DOCK1: variants seen among roughly 807,000 people sequenced by gnomAD.
DOCK1 encodes the protein dedicator of cytokinesis protein 1.
Under a neutral mutation model 262.7 loss-of-function variants are expected in DOCK1, and 138 were observed. The observed-to-expected ratio is 0.53, with a 90% CI of 0.46 to 0.61. DOCK1 has a LOEUF of 0.61. Among genes scored for constraint, DOCK1 ranks in the 20% least tolerant of loss-of-function variants. DOCK1 has a pLI of 0.00. For missense variants in DOCK1, 1,908 were observed against 2,370.7 expected, an observed-to-expected ratio of 0.80 and a Z score of 4.05; for synonymous variants, 866 against 867.4, an observed-to-expected ratio of 1.00 and a Z score of 0.03.
intron 23 of DOCK1, among the ~76,000 whole-genome samples, chr10:127,080,576 G>T (rs2046843688): frequency 6.6e-6 from 1 of 152,030 alleles, no homozygotes; most frequent in South Asian, 2.1e-4. Context: ...TGTGGTTGTG[G>T]TCCTTTGGGT....
chr10:127,427,963 C>T (rs1413472846), intron 47 of DOCK1, among the ~76,000 whole-genome samples: 2 of 152,198 alleles, frequency 1.3e-5, no homozygotes, highest in Non-Finnish European at 2.9e-5. Context: ...GCCAGCCCAG[C>T]GGGAGCTGCT....
chr10:127,438,213 A>T (rs898534325), intron 48 of DOCK1, among the ~76,000 whole-genome samples: 3 of 152,230 alleles, frequency 2.0e-5, no homozygotes, highest in Non-Finnish European at 2.9e-5. Context: ...CAGGATGGAC[A>T]TGCCAATCTT....
intron 27 of DOCK1, among the ~76,000 whole-genome samples, chr10:127,182,559 A>G (rs1398675729): frequency 3.3e-5 from 5 of 152,204 alleles, no homozygotes; most frequent in African/African-American, 1.2e-4. Context: ...TGCTACATTC[A>G]TAGAGATGAA....
At chr10:127,130,065 C>CTTTTTTTTTTTTTTTTTT (rs74721427) in intron 27 of DOCK1, among the ~76,000 whole-genome samples, 2 of 117,546 alleles carry the variant, frequency 1.7e-5, no homozygotes, top group African/African-American at 3.9e-5. Flanking sequence ...TTAGGGTCTT[C>CTTTTTTTTTTTTTTTTTT]TTTTTTTTTT....
chr10:127,077,305 G>A (rs1414777844), intron 23 of DOCK1, among the ~76,000 whole-genome samples: 1 of 152,068 alleles, frequency 6.6e-6, no homozygotes, highest in African/African-American at 2.4e-5. Context: ...CGAGGTGGGA[G>A]AATCACTTGA....
intron 50 of DOCK1, among the ~76,000 whole-genome samples, chr10:127,444,938 G>A (rs559517291): frequency 2.0e-4 from 30 of 151,748 alleles, no homozygotes; most frequent in Non-Finnish European, 4.1e-4. Context: ...CTGTCTCCAC[G>A]TGGCCTCCTT....
chr10:126,973,034 A>G (rs1248389171), intron 2 of DOCK1, among the ~76,000 whole-genome samples: 1 of 151,782 alleles, frequency 6.6e-6, no homozygotes, highest in Non-Finnish European at 1.5e-5. Flanking sequence ...CTCATCTCAG[A>G]CACTTTTCTG....
chr10:126,918,979 C>CAAGGTGCAGATGGGCA (rs1564982392), intron 1 of DOCK1, among the ~76,000 whole-genome samples: 150 of 107,164 alleles, frequency 1.4e-3, no homozygotes, highest in African/African-American at 4.5e-3. Context: ...GAGGAGAAAG[C>CAAGGTGCAGATGGGCA]CGAGAGGGAG....
chr10:127,099,069 T>C (rs1219364029), intron 23 of DOCK1, among the ~76,000 whole-genome samples: 1 of 152,114 alleles, frequency 6.6e-6, no homozygotes, highest in East Asian at 1.9e-4. Flanking sequence ...GGAATCTGAG[T>C]TCCCTTTGCA....
chr10:127,427,916 C>G (rs2068929380), intron 47 of DOCK1, among the ~76,000 whole-genome samples: 1 of 152,264 alleles, frequency 6.6e-6, no homozygotes, highest in Non-Finnish European at 1.5e-5. Context: ...AACTGCTGCT[C>G]TGAGGTTGAA....
At chr10:127,170,901 G>C (rs936742049) in intron 27 of DOCK1, among the ~76,000 whole-genome samples, 3 of 152,214 alleles carry the variant, frequency 2.0e-5, no homozygotes, top group African/African-American at 7.2e-5. Flanking sequence ...GCATAAAGCA[G>C]AGTGATTTTA....
chr10:127,319,104 A>C (rs1176778201), intron 29 of DOCK1, among the ~76,000 whole-genome samples: 5 of 152,240 alleles, frequency 3.3e-5, no homozygotes, highest in Non-Finnish European at 7.3e-5. Context: ...AAGGAGAAGA[A>C]AAGAAAACGA....
chr10:126,922,631 G>A (rs1293221817), intron 1 of DOCK1, among the ~76,000 whole-genome samples: 2 of 152,080 alleles, frequency 1.3e-5, no homozygotes, highest in African/African-American at 4.8e-5. Flanking sequence ...CAAGAGATTT[G>A]GAGGGGACAG....
At chr10:127,419,576 C>T in intron 45 of DOCK1, 90 bp from the exon 46 acceptor site, 1 of 1,241,038 alleles carries the variant, frequency 8.1e-7, no homozygotes, top group South Asian at 1.3e-5. Context: ...TTATGCACAG[C>T]TCTATTCTCA....
At chr10:127,360,153 A>T (rs1056781383) in intron 32 of DOCK1, among the ~76,000 whole-genome samples, 2 of 152,144 alleles carry the variant, frequency 1.3e-5, no homozygotes, top group Admixed American at 6.5e-5. Flanking sequence ...GTCTTCCAGG[A>T]GCTTCATTCC....
At chr10:127,196,628 G>GGGGCC (rs1299327829) in intron 27 of DOCK1, among the ~76,000 whole-genome samples, 43 of 146,608 alleles carry the variant, frequency 2.9e-4, no homozygotes, top group African/African-American at 7.6e-4. Context: ...GGGGCGGCGC[G>GGGGCC]GGGCCGGGCC....
chr10:127,384,467 G>T (rs1313296424), intron 37 of DOCK1, among the ~76,000 whole-genome samples: 1 of 152,188 alleles, frequency 6.6e-6, no homozygotes, highest in Non-Finnish European at 1.5e-5. Flanking sequence ...GCCGCTCTTG[G>T]GATGGCCCTG....
chr10:127,309,138 G>A (rs1020599271), intron 29 of DOCK1, among the ~76,000 whole-genome samples: 2 of 151,936 alleles, frequency 1.3e-5, no homozygotes, highest in African/African-American at 4.8e-5. Context: ...TCTGACTGGC[G>A]TGAGATGCTG....
Position 127,437,609 on chromosome 10 carries a change from G to C in DOCK1, c.5061-1418G>C, listed in dbSNP as rs1002832021. On this transcript the variant is annotated intron_variant, in intron 48 of 51. Transcript: ENST00000623213. The surrounding 1 kb of genome is among the most constrained non-coding windows in gnomAD (Gnocchi z 4.4). ...TCCTGCCACCTCAGCCTCCTGAGTAGCTGGGACTATAGGTGCACACCACCA... is the reference window on the plus strand; with the variant it reads ...TCCTGCCACCTCAGCCTCCTGAGTACCTGGGACTATAGGTGCACACCACCA... 6.6e-5 allele frequency among the ~76,000 whole-genome samples: 10 copies of C among 152,140 alleles called. No individual in the cohort carries two copies. Among genetic ancestry groups the C allele is most frequent in the African/African-American group, 1.9e-4 (8 of 41,542 alleles).
Sources: gnomAD v4.1 joint callset for allele counts (sites outside exome capture counted in the v4.1 genomes callset) on GRCh38, gnomAD v4.1.1 for gene constraint, Gnocchi (gnomAD v3.1) non-coding constraint, MANE v1.5 for transcripts, NCBI Gene and HGNC (gene_info 2026-07-23, HGNC 2026-07-21) for gene names.